Variants in HCN1 observed in about 807,000 individuals in gnomAD.
The protein encoded by HCN1 is potassium/sodium hyperpolarization-activated cyclic nucleotide-gated channel 1.
In HCN1, 13 loss-of-function variants were observed where a neutral mutation model predicts 78.9. That is an observed-to-expected ratio of 0.16 (90% CI 0.11 to 0.26). HCN1 has a LOEUF of 0.26. Ranked by LOEUF, HCN1 falls within the 10% of genes least tolerant of loss-of-function variation. The pLI, the probability that HCN1 is intolerant of heterozygous loss-of-function variation, is 1.00. For synonymous variants in HCN1, 552 were observed against 455.5 expected, an observed-to-expected ratio of 1.21 and a Z score of -2.70; for missense variants, 810 against 1,154.3, an observed-to-expected ratio of 0.70 and a Z score of 4.32.
intron 5 of HCN1, among the ~76,000 whole-genome samples, chr5:45,317,963 G>C (rs1746032826): frequency 1.3e-5 from 2 of 152,106 alleles, no homozygotes. Flanking sequence ...TTACACTGTT[G>C]GTGGGACTGT....
At chr5:45,541,113 T>G (rs1743097354) in intron 2 of HCN1, among the ~76,000 whole-genome samples, 2 of 152,176 alleles carry the variant, frequency 1.3e-5, no homozygotes, top group Admixed American at 1.3e-4. Flanking sequence ...ACTATTGCCC[T>G]ATTACAAACT....
intron 2 of HCN1, among the ~76,000 whole-genome samples, chr5:45,498,656 G>T (rs185689754): frequency 6.6e-6 from 1 of 152,134 alleles, no homozygotes; most frequent in Non-Finnish European, 1.5e-5. Flanking sequence ...AGGAGGAGAG[G>T]TGCTCTGCTT....
At chr5:45,544,242 G>C (rs888184876) in intron 2 of HCN1, among the ~76,000 whole-genome samples, 2 of 151,946 alleles carry the variant, frequency 1.3e-5, no homozygotes, top group African/African-American at 4.8e-5. Flanking sequence ...ATATAAAGTA[G>C]TACAAAGTTC....
rs1176770765 is a variant in HCN1, at chr5:45,551,431, A to C, written c.850-89424T>G. ...AATATATCCAAGAGTTTAAGTTTCT[A>C]GACAAAAATGAATGATATCCCAAGA... On this transcript the variant is annotated intron_variant, in intron 2 of 7. Transcript: ENST00000303230. 4.6e-5 allele frequency among the ~76,000 whole-genome samples: 7 copies of C among 151,794 alleles called. No individual in the cohort carries two copies. In the East Asian group the frequency reaches 1.4e-3, roughly 29 times the overall value.
At chr5:45,423,772 A>T (rs1277296848) in intron 3 of HCN1, among the ~76,000 whole-genome samples, 2 of 152,198 alleles carry the variant, frequency 1.3e-5, no homozygotes, top group African/African-American at 2.4e-5. Flanking sequence ...TAGAGGTTCA[A>T]TAAAGAGTTT....
intron 2 of HCN1, among the ~76,000 whole-genome samples, chr5:45,585,561 C>T (rs920677519): frequency 6.6e-6 from 1 of 152,164 alleles, no homozygotes; most frequent in Non-Finnish European, 1.5e-5. Flanking sequence ...TGTTCTGTTG[C>T]TGGTGAGGAG....
Position 45,439,621 on chromosome 5 carries a change from C to T in HCN1, c.1011+22225G>A, listed in dbSNP as rs939715176. 3.3e-5 allele frequency among the ~76,000 whole-genome samples: 5 copies of T among 151,982 alleles called. No individual in the cohort carries two copies. The East Asian group carries it at 5.8e-4, about 18-fold the overall frequency. On this transcript the variant is annotated intron_variant, in intron 3 of 7. Transcript: ENST00000303230. ...TATTTCCATGAAGTTATTCCAACTG[C>T]GCTGTATCATGATGTAAGTAGAGTG... is the stretch of plus-strand genomic sequence containing the variant.
chr5:45,374,638 T>A (rs963134280), intron 4 of HCN1, among the ~76,000 whole-genome samples: 13 of 150,564 alleles, frequency 8.6e-5, no homozygotes, highest in African/African-American at 3.2e-4. Context: ...CCTTCCTAAC[T>A]CATTCTATGA....
At chr5:45,510,654 T>G (rs1417597322) in intron 2 of HCN1, among the ~76,000 whole-genome samples, 1 of 152,092 alleles carries the variant, frequency 6.6e-6, no homozygotes, top group African/African-American at 2.4e-5. Context: ...ATCCCAGCCC[T>G]GTTTTGATGA....
At chr5:45,580,542 TTTTG>T (rs1241096556) in intron 2 of HCN1, among the ~76,000 whole-genome samples, 1 of 152,104 alleles carries the variant, frequency 6.6e-6, no homozygotes. Context: ...TTTTGTTTTG[TTTTG>T]TTTATTATAC....
chr5:45,347,458 C>T (rs1746769377), intron 5 of HCN1, among the ~76,000 whole-genome samples: 1 of 152,136 alleles, frequency 6.6e-6, no homozygotes, highest in African/African-American at 2.4e-5. Flanking sequence ...AGCAGAGCAC[C>T]TCTCCTCCTC....
chr5:45,611,269 C>CTTTTTTTTTTTTTTTTTTTT (rs1054830050), intron 2 of HCN1, among the ~76,000 whole-genome samples: 48 of 113,720 alleles, frequency 4.2e-4, no homozygotes, highest in Middle Eastern at 4.5e-3. Flanking sequence ...TTATCTTTTT[C>CTTTTTTTTTTTTTTTTTTTT]TTTTTTTTTT....
At chr5:45,508,236 A>C (rs1283855913) in intron 2 of HCN1, among the ~76,000 whole-genome samples, 2 of 152,166 alleles carry the variant, frequency 1.3e-5, no homozygotes, top group Non-Finnish European at 2.9e-5. Flanking sequence ...TCCATTCTCC[A>C]AGTACGATTA....
chr5:45,483,932 G>A (rs922412218), intron 2 of HCN1, among the ~76,000 whole-genome samples: 3 of 152,096 alleles, frequency 2.0e-5, no homozygotes, highest in African/African-American at 7.2e-5. Flanking sequence ...GTTTGTAGGT[G>A]TGCAACTTTA....
intron 3 of HCN1, among the ~76,000 whole-genome samples, chr5:45,402,856 CT>C (rs1739849086): frequency 2.1e-5 from 3 of 144,434 alleles, no homozygotes; most frequent in African/African-American, 5.3e-5. Context: ...TCCTTCCTTC[CT>C]TCCTTCCTCT....
chr5:45,335,780 C>G (rs1746441051), intron 5 of HCN1, among the ~76,000 whole-genome samples: 1 of 152,056 alleles, frequency 6.6e-6, no homozygotes, highest in Non-Finnish European at 1.5e-5. Flanking sequence ...TTAATCTTTA[C>G]AACTCTGTGA....
intron 4 of HCN1, among the ~76,000 whole-genome samples, chr5:45,370,892 A>T (rs1747340367): frequency 6.6e-6 from 1 of 152,130 alleles, no homozygotes; most frequent in African/African-American, 2.4e-5. Context: ...AACATTTAAA[A>T]ATGTAAATTT....
chr5:45,303,656 C>T lies in HCN1; in HGVS notation c.1561G>A (p.Gly521Ser). 1.9e-6 allele frequency: 3 copies of T among 1,613,324 alleles called. No homozygotes were observed. Among genetic ancestry groups the T allele is most frequent in the East Asian group, 2.2e-5 (1 of 44,816 alleles). Residue 521 changes from glycine to serine, a missense_variant, in exon 6 of 8, where the codon GGT becomes AGT. By Grantham distance (56) the Gly-to-Ser change is moderately conservative. Around this residue, in one of 6 missense-constraint regions of HCN1, gnomAD observed 100 missense variants for 126.8 expected, o/e 0.79. Coordinates refer to ENST00000303230, the MANE Select transcript of HCN1 (RefSeq NM_021072.4). The stretch of plus-strand genomic sequence containing the variant: ...TCTTTACTGGATTTTGTAATGACAC[C>T]AGCAACACCGTGTTGAATGAAATAC... ...KMYFIQHGVA[G>S]VITKSSKEMK...
chr5:45,580,701 A>G (rs924262552), intron 2 of HCN1, among the ~76,000 whole-genome samples: 2 of 151,870 alleles, frequency 1.3e-5, no homozygotes, highest in African/African-American at 4.8e-5. Flanking sequence ...CGCCCACCCC[A>G]CAACAGGCCC....
Sources: allele counts gnomAD v4.1 joint callset (sites outside exome capture counted in the v4.1 genomes callset), GRCh38; gene constraint gnomAD v4.1.1; regional missense constraint gnomAD v4.1.1; transcripts MANE v1.5; gene names NCBI Gene and HGNC (gene_info 2026-07-23, HGNC 2026-07-21).